Variants in SULT1A2 observed in about 807,000 individuals in gnomAD.
The protein encoded by SULT1A2 is sulfotransferase 1A2.
In SULT1A2, 33 loss-of-function variants were observed where a neutral mutation model predicts 36.0. The ratio of observed to expected loss-of-function variants is 0.92; its 90% CI spans 0.69 to 1.22. The LOEUF (loss-of-function observed/expected upper bound fraction) is 1.22. Ranked by LOEUF, SULT1A2 falls within the 50% of genes most tolerant of loss-of-function variation. SULT1A2 has a pLI of 0.00. For synonymous variants in SULT1A2, 138 were observed against 144.5 expected (o/e 0.96, Z 0.32); for missense variants, 367 against 383.2 (o/e 0.96, Z 0.35).
At chr16:28,596,716 T>C (rs562595535) in intron 1 of SULT1A2, 1 of 242,960 alleles carries the variant, frequency 4.1e-6, no homozygotes, top group African/African-American at 2.4e-5. Flanking sequence ...ATGGTGAGGG[T>C]CTGTAGTCCT....
intron 6 of SULT1A2, among the ~76,000 whole-genome samples, chr16:28,593,021 G>A (rs1208616523): frequency 6.6e-6 from 1 of 151,914 alleles, no homozygotes; most frequent in East Asian, 1.9e-4. Context: ...AAAAAAAAAA[G>A]TAGCTGATCC....
At chr16:28,592,510 T>G in intron 6 of SULT1A2, 67 bp from the exon 7 acceptor site, 1 of 1,610,154 alleles carries the variant, frequency 6.2e-7, no homozygotes. Flanking sequence ...AGGGGTCCAC[T>G]TCTCTAACCT....
At chr16:28,596,300 G>A (rs1048823557) in intron 1 of SULT1A2, 3 of 1,176,422 alleles carry the variant, frequency 2.6e-6, no homozygotes, top group African/African-American at 1.6e-5. Context: ...CTGTCTTCCT[G>A]CCAGCCAGCG....
intron 6 of SULT1A2, 82 bp from the exon 7 acceptor site, chr16:28,592,525 G>A (rs756804038): frequency 7.9e-5 from 126 of 1,600,744 alleles, no homozygotes; most frequent in Non-Finnish European, 9.8e-5. Flanking sequence ...TAACCTCAGA[G>A]GGGAACTGGC....
Position 28,595,679 on chromosome 16 carries a change from G to A in SULT1A2, c.149-4C>T. On this transcript the variant is annotated splice_polypyrimidine_tract_variant and splice_region_variant and intron_variant, in intron 2 of 7. Coordinates refer to ENST00000335715, the MANE Select transcript of SULT1A2 (RefSeq NM_001054.4). ...ATCTGGCTCACCCAGGTGGTGCCTG[G>A]AGAGGGAGGGAGATGGGAGGTGAGC... 4 of 1,614,068 alleles carry A rather than the reference G, an allele frequency of 2.5e-6. No homozygotes were observed. Among genetic ancestry groups the A allele is most frequent in the Non-Finnish European group, 2.5e-6 (3 of 1,179,908 alleles).
At chr16:28,594,531 C>T (rs908334268) in intron 4 of SULT1A2, among the ~76,000 whole-genome samples, 8 of 152,290 alleles carry the variant, frequency 5.3e-5, no homozygotes, top group African/African-American at 1.9e-4. Context: ...CGGCTCACTG[C>T]AACCACCGCC....
At chr16:28,593,214 A>G in intron 6 of SULT1A2, 38 bp downstream of exon 6, 1 of 1,611,720 alleles carries the variant, frequency 6.2e-7, no homozygotes, top group Middle Eastern at 2.2e-4. Context: ...GCCTGCCCCC[A>G]GGTGTCACGT....
In SULT1A2 at chr16:28,595,382, C is replaced by T. The variant is rs769796578; in HGVS notation, c.357G>A (p.Leu119=). The change falls in exon 4 of 8, where the codon TTG becomes TTA. Residue 119 remains leucine (L), a synonymous_variant. Coordinates refer to ENST00000335715, the MANE Select transcript of SULT1A2 (RefSeq NM_001054.4). ...CCAGTCTCACCTTGACCTTCTGATC[C>T]AACAGAGTCTGGGGGAGCAGAGCCA... ...LPLALLPQTL[L]DQKVKVVYVA... is the part of the protein sequence containing the mutation. The T allele has an allele frequency of 2.5e-6, 4 of 1,613,880 alleles. No individual in the cohort carries two copies. The highest frequency in any genetic ancestry group is 3.4e-6 in the Non-Finnish European group (4 of 1,179,982).
chr16:28,596,309 C>A, intron 1 of SULT1A2: 1 of 1,166,156 alleles, frequency 8.6e-7, no homozygotes. Flanking sequence ...TGCCAGCCAG[C>A]GCCCTTTGTC....
Position 28,592,083 on chromosome 16 carries a change from G to C in SULT1A2, c.833C>G (p.Ala278Gly). The change falls in exon 8 of 8, where the codon GCG becomes GGG. Residue 278 changes from alanine (A) to glycine (G), a missense_variant. Coordinates refer to ENST00000335715, the MANE Select transcript of SULT1A2 (RefSeq NM_001054.4). ...FTVAQNERFD[A>G]DYAKKMAGCS... The stretch of plus-strand genomic sequence containing the variant: ...GCCTGCCATCTTCTTCGCATAGTCC[G>C]CATCGAAGCGCTCATTCTGCGCCAC... The C allele has an allele frequency of 6.2e-7, 1 of 1,612,024 alleles. No homozygotes were observed. The highest frequency in any genetic ancestry group is 8.5e-7 in the Non-Finnish European group (1 of 1,179,926).
chr16:28,596,767 A>T, intron 1 of SULT1A2: 1 of 276,020 alleles, frequency 3.6e-6, no homozygotes, highest in Non-Finnish European at 7.0e-6. Flanking sequence ...CAGGAATTCA[A>T]GGCTGCAGTG....
intron 6 of SULT1A2, 129 bp from the exon 7 acceptor site, chr16:28,592,572 A>AC (rs2047007089): frequency 6.6e-6 from 10 of 1,517,866 alleles, no homozygotes; most frequent in Admixed American, 4.1e-5. Context: ...CAGCTCCTCG[A>AC]CCCCTGGGAC....
Position 28,592,279 on chromosome 16 carries a change from G to T in SULT1A2, c.759C>A (p.Ser253=). The T allele has an allele frequency of 6.2e-7, 1 of 1,613,978 alleles. No individual in the cohort carries two copies. Among genetic ancestry groups the T allele is most frequent in the Non-Finnish European group, 8.5e-7 (1 of 1,179,866 alleles). Residue 253 remains serine, a synonymous_variant, in exon 7 of 8, where the codon TCC becomes TCA. Transcript: ENST00000335715. ...GGCACCTACCTTTCCTCATGAAGGGGGAGATGCTGTGGTCCATGAACTCCC... is the reference window on the plus strand; with the variant it reads ...GGCACCTACCTTTCCTCATGAAGGGTGAGATGCTGTGGTCCATGAACTCCC... ...VRREFMDHSI[S]PFMRKGMAGD... is the part of the protein sequence containing the mutation.
rs2047047309 is a variant in SULT1A2 at position 28,595,465 on chromosome 16, C to A, written c.275-1G>T. 1 of 1,614,096 alleles carries A rather than the reference C, an allele frequency of 6.2e-7. No individual in the cohort carries two copies. Among genetic ancestry groups the A allele is most frequent in the African/African-American group, 1.3e-5 (1 of 75,020 alleles). ...GGTGTGTTTTTCAGAGTCTCCATCC[C>A]TGAGCAGTGGGTCAGGGAAGGTCTG... On this transcript the variant is annotated splice_acceptor_variant, in intron 3 of 7. Transcript: ENST00000335715. LOFTEE classifies it high-confidence loss of function.
In SULT1A2 at chr16:28,593,388, C is replaced by A. The variant is rs770210554; in HGVS notation, c.500-42G>T. ...GGAGTGCCGACACAGGGTTGCTGTG[C>A]GTTGTAGCCACCACCCCTTAGCTCC... On this transcript the variant is annotated intron_variant, in intron 5 of 7. Transcript: ENST00000335715. The A allele has an allele frequency of 3.7e-6, 6 of 1,614,008 alleles. No individual in the cohort carries two copies. The East Asian group carries it at 1.3e-4, about 36-fold the overall frequency.
chr16:28,594,770 C>CGTTTTT, intron 4 of SULT1A2, among the ~76,000 whole-genome samples: 2 of 53,842 alleles, frequency 3.7e-5, no homozygotes, highest in South Asian at 6.6e-4. Context: ...CCACCTGCCG[C>CGTTTTT]TTTTTTTTTT....
In SULT1A2 at chr16:28,596,425, G is replaced by A. The variant is rs1487766108; in HGVS notation, c.-4-491C>T. The A allele has an allele frequency of 1.3e-5, 12 of 930,340 alleles. No homozygotes were observed. In the East Asian group the frequency reaches 5.0e-4, roughly 39 times the overall value. The allele number at this position is 930,340 out of a possible 1,614,324, so 57.6% of individuals were successfully genotyped here. A position where few individuals can be genotyped will look rare whatever the true frequency, so the allele number is the denominator to read the frequency against. On this transcript the variant is annotated intron_variant, in intron 1 of 7. Coordinates refer to ENST00000335715, the MANE Select transcript of SULT1A2 (RefSeq NM_001054.4). ...CCTCACATGTGGCAACTCCTAGGCTGGCCAGGCCTGTGATCCACTTGCCCG... is the reference window on the plus strand; with the variant it reads ...CCTCACATGTGGCAACTCCTAGGCTAGCCAGGCCTGTGATCCACTTGCCCG...
Position 28,592,302 on chromosome 16 carries a change from C to A in SULT1A2, c.736G>T (p.Glu246Ter), listed in dbSNP as rs1230319702. 12 of 1,613,840 alleles carry A rather than the reference C, an allele frequency of 7.4e-6. No homozygotes were observed. The highest frequency in any genetic ancestry group is 1.0e-5 in the Non-Finnish European group (12 of 1,179,880). ...GGGGAGATGCTGTGGTCCATGAACT[C>A]CCGGCGGACGGTGGTGTAGTTGGTC... ...PMTNYTTVRR[E>*]FMDHSISPFM... Residue 246 changes from glutamate to a stop codon, truncating the protein, a stop_gained, in exon 7 of 8, where the codon GAG becomes TAG. Transcript: ENST00000335715. LOFTEE classifies it high-confidence loss of function.
intron 1 of SULT1A2, 126 bp downstream of exon 1, chr16:28,596,871 G>A: frequency 1.6e-6 from 1 of 618,706 alleles, no homozygotes; most frequent in Non-Finnish European, 2.3e-6. Flanking sequence ...AGGCCGGCCG[G>A]GGTTGTCTGA....
Sources: gnomAD v4.1 joint callset for allele counts (sites outside exome capture counted in the v4.1 genomes callset) on GRCh38, gnomAD v4.1.1 for gene constraint, MANE v1.5 for transcripts, NCBI Gene and HGNC (gene_info 2026-07-23, HGNC 2026-07-21) for gene names.